Variants in LPIN1 observed in about 807,000 individuals in gnomAD.
LPIN1 encodes phosphatidate phosphatase LPIN1.
Under a neutral mutation model 107.5 loss-of-function variants are expected in LPIN1, and 71 were observed. The ratio of observed to expected loss-of-function variants is 0.66; its 90% CI spans 0.55 to 0.80. LPIN1 has a LOEUF of 0.80. Ranked by LOEUF, LPIN1 falls within the 30% of genes least tolerant of loss-of-function variation. LPIN1 has a pLI of 0.00. For missense variants in LPIN1, 1,043 were observed against 1,160.6 expected (o/e 0.90, Z 1.47); for synonymous variants, 445 against 452.6 (o/e 0.98, Z 0.21).
At chr2:11,787,404 T>C (rs960929664) in intron 11 of LPIN1, among the ~76,000 whole-genome samples, 8 of 142,554 alleles carry the variant, frequency 5.6e-5, no homozygotes, top group South Asian at 2.3e-4. Flanking sequence ...TTTTCTTTTT[T>C]TTTTTTTTTT....
chr2:11,784,719 G>A (rs1467585623), intron 9 of LPIN1, 167 bp from the exon 10 acceptor site: 3 of 727,274 alleles, frequency 4.1e-6, no homozygotes, highest in Non-Finnish European at 7.5e-6. Context: ...AAGCTAAGGC[G>A]TTTAATGTCT....
rs527974780 is a variant in LPIN1 at position 11,804,549 on chromosome 2, G to A, written c.2140G>A (p.Asp714Asn). 1 of 1,614,208 alleles carries A rather than the reference G, an allele frequency of 6.2e-7. No individual in the cohort carries two copies. Among genetic ancestry groups the A allele is most frequent in the South Asian group, 1.1e-5 (1 of 91,080 alleles). The change falls in exon 16 of 21, where the codon GAT becomes AAT. Residue 714 changes from aspartate to asparagine, a missense_variant. Coordinates refer to ENST00000674199, the MANE Select transcript of LPIN1 (RefSeq NM_001349206.2). ...WNWDDKVIIS[D>N]IDGTITRSDT... ...CTGGGATGATAAAGTCATCATTTCT[G>A]ATATTGATGGGACAATTACCAGGTA...
chr2:11,763,526 CT>C (rs1248781394), intron 1 of LPIN1, among the ~76,000 whole-genome samples: 4 of 152,196 alleles, frequency 2.6e-5, no homozygotes, highest in Non-Finnish European at 4.4e-5. Context: ...TCGTCTGTCC[CT>C]ACCTCCTTTC....
chr2:11,814,989 A>C (rs1680323400), intron 17 of LPIN1, 99 bp from the exon 18 acceptor site: 1 of 1,143,188 alleles, frequency 8.7e-7, no homozygotes, highest in Admixed American at 1.9e-5. Context: ...AACTTGAAAC[A>C]GTGCCATTCT....
intron 2 of LPIN1, among the ~76,000 whole-genome samples, chr2:11,718,815 C>T (rs1663924194): frequency 6.6e-6 from 1 of 152,194 alleles, no homozygotes; most frequent in African/African-American, 2.4e-5. Context: ...CTGCTCAGAA[C>T]TTAGTCTCTT....
At chr2:11,720,201 A>G (rs1664029629), upstream of LPIN1, among the ~76,000 whole-genome samples, 1 of 152,138 alleles carries the variant, frequency 6.6e-6, no homozygotes, top group Non-Finnish European at 1.5e-5. Flanking sequence ...TAGTTCATTT[A>G]TTTTTATGAT....
upstream of LPIN1, among the ~76,000 whole-genome samples, chr2:11,745,625 G>A (rs914234548): frequency 2.0e-5 from 3 of 152,236 alleles, no homozygotes; most frequent in Non-Finnish European, 4.4e-5. Context: ...CAGGAGGATT[G>A]CCTGAGGCCA....
chr2:11,794,775 C>T (rs888317159), intron 13 of LPIN1, among the ~76,000 whole-genome samples: 3 of 152,200 alleles, frequency 2.0e-5, no homozygotes, highest in Non-Finnish European at 4.4e-5. Flanking sequence ...GACACAGTCT[C>T]CTTTAATCCC....
At chr2:11,711,900 T>C (rs919960329) in intron 1 of LPIN1, among the ~76,000 whole-genome samples, 11 of 152,234 alleles carry the variant, frequency 7.2e-5, no homozygotes, top group Non-Finnish European at 1.6e-4. Context: ...CTCACACTGC[T>C]CTGAGAGCCT....
intron 9 of LPIN1, 172 bp from the exon 10 acceptor site, chr2:11,784,714 A>G: frequency 2.8e-6 from 2 of 709,444 alleles, no homozygotes; most frequent in South Asian, 1.5e-5. Flanking sequence ...CTCCTAAGCT[A>G]AGGCGTTTAA....
rs765513936 is a variant in LPIN1, at chr2:11,783,816, T to C, written c.1265-13T>C. 9.9e-6 allele frequency: 16 copies of C among 1,611,172 alleles called. No individual in the cohort carries two copies. Among genetic ancestry groups the C allele is most frequent in the Non-Finnish European group, 1.4e-5 (16 of 1,177,414 alleles). ...AAGAGTGGTTTTCTGACTTGAGCCA[T>C]TTGCCGTTTTAGATAAACGAAGCCG... is the stretch of plus-strand genomic sequence containing the variant. On this transcript the variant is annotated splice_polypyrimidine_tract_variant and intron_variant, in intron 8 of 20. Coordinates refer to ENST00000674199, the MANE Select transcript of LPIN1 (RefSeq NM_001349206.2).
At chr2:11,812,931 G>A (rs2148717688) in intron 17 of LPIN1, among the ~76,000 whole-genome samples, 1 of 152,314 alleles carries the variant, frequency 6.6e-6, no homozygotes. Context: ...GAGCAGAGGG[G>A]ACCTGCTGAT....
chr2:11,763,641 A>T lies in LPIN1; in HGVS notation c.-9-1892A>T, dbSNP rs1670208632. Reference sequence around the variant, plus strand: ...TGATGCTTTTTCTAAATCTTGGATCAAAGTGTCATTTTGTTCCAGAATCCG... The same window carrying T: ...TGATGCTTTTTCTAAATCTTGGATCTAAGTGTCATTTTGTTCCAGAATCCG... On this transcript the variant is annotated intron_variant, in intron 1 of 20. Transcript: ENST00000674199. Among the ~76,000 whole-genome samples the T allele has an allele frequency of 2.0e-5, 3 of 152,060 alleles. No homozygotes were observed. In the South Asian group the frequency reaches 6.2e-4, roughly 32 times the overall value.
Position 11,771,374 on chromosome 2 carries a change from A to G in LPIN1, c.291A>G (p.Glu97=). The G allele has an allele frequency of 6.2e-7, 1 of 1,614,174 alleles. No homozygotes were observed. Among genetic ancestry groups the G allele is most frequent in the Non-Finnish European group, 8.5e-7 (1 of 1,179,994 alleles). Residue 97 remains glutamate, a splice_region_variant and synonymous_variant, in exon 4 of 21, where the codon GAA becomes GAG. Transcript: ENST00000674199. The surrounding 1 kb of genome is among the most constrained non-coding windows in gnomAD (Gnocchi z 4.8). The part of the protein sequence containing the change: ...FFVQETDNDQ[E]VIPMHLATSP... ...TAGAAAATGTGTTCTTTTCTTAGGA[A>G]GTTATCCCTATGCACCTGGCCACCT... is the stretch of plus-strand genomic sequence containing the variant.
At chr2:11,740,234 T>C (rs928277256) in intron 1 of LPIN1, among the ~76,000 whole-genome samples, 1 of 152,158 alleles carries the variant, frequency 6.6e-6, no homozygotes, top group African/African-American at 2.4e-5. Context: ...TTCAACTGAT[T>C]GGATGGAGCC....
chr2:11,725,121 C>T (rs565187819), intron 1 of LPIN1, among the ~76,000 whole-genome samples: 5 of 152,114 alleles, frequency 3.3e-5, no homozygotes, highest in Non-Finnish European at 7.4e-5. Context: ...ATTAGCCGGG[C>T]GTGTTGGCGG....
At chr2:11,721,865 G>A (rs1168319833), upstream of LPIN1, 1 of 152,522 alleles carries the variant, frequency 6.6e-6, no homozygotes, top group East Asian at 1.9e-4. Context: ...GAGAGGAGAG[G>A]AGCTAATGCC....
chr2:11,782,634 C>T (rs2148657087), intron 8 of LPIN1, 127 bp downstream of exon 8: 1 of 1,041,132 alleles, frequency 9.6e-7, no homozygotes. Flanking sequence ...TGATCATGTT[C>T]AGTCTGAGCT....
At chr2:11,747,868 A>G (rs1667196577) in intron 1 of LPIN1, among the ~76,000 whole-genome samples, 3 of 152,122 alleles carry the variant, frequency 2.0e-5, no homozygotes, top group African/African-American at 7.2e-5. Context: ...TTTGGCGCTT[A>G]TTATTCCTAT....
Sources: gnomAD v4.1 joint callset for allele counts (sites outside exome capture counted in the v4.1 genomes callset) on GRCh38, gnomAD v4.1.1 for gene constraint, Gnocchi (gnomAD v3.1) non-coding constraint, MANE v1.5 for transcripts, NCBI Gene and HGNC (gene_info 2026-07-23, HGNC 2026-07-21) for gene names.